Variants in FAM20C observed in about 807,000 individuals in gnomAD.
FAM20C encodes the protein extracellular serine/threonine protein kinase FAM20C.
In FAM20C, 40 loss-of-function variants were observed where a neutral mutation model predicts 51.5. The observed-to-expected ratio is 0.78, with a 90% confidence interval of 0.60 to 1.01. The LOEUF (loss-of-function observed/expected upper bound fraction) is 1.01. Ranked by LOEUF, FAM20C falls within the 50% of genes least tolerant of loss-of-function variation. The probability of loss-of-function intolerance (pLI) is 0.00; values close to 1 mark genes in which losing one functional copy is unlikely to be tolerated. For missense variants in FAM20C, 861 were observed against 844.7 expected, an observed-to-expected ratio of 1.02 and a Z score of -0.24; for synonymous variants, 406 against 380.6, an observed-to-expected ratio of 1.07 and a Z score of -0.78.
At chr7:240,676 C>T (rs972547109) in intron 3 of FAM20C, among the ~76,000 whole-genome samples, 14 of 152,280 alleles carry the variant, frequency 9.2e-5, no homozygotes, top group Non-Finnish European at 1.0e-4. Flanking sequence ...AACACCTGTT[C>T]GGAAGCAAGC....
At chr7:255,388 G>A (rs1216178672) in intron 5 of FAM20C, among the ~76,000 whole-genome samples, 1 of 152,164 alleles carries the variant, frequency 6.6e-6, no homozygotes, top group Non-Finnish European at 1.5e-5. Context: ...TGGAGAATCA[G>A]CTGTTCAAGC....
chr7:225,916 C>CG (rs1466810823), intron 3 of FAM20C, among the ~76,000 whole-genome samples: 2 of 59,878 alleles, frequency 3.3e-5, no homozygotes, highest in African/African-American at 1.3e-4. Context: ...GGCACCGTCA[C>CG]GGGGTCGCAC....
chr7:196,107 G>A (rs1785856228), intron 2 of FAM20C, among the ~76,000 whole-genome samples: 1 of 152,194 alleles, frequency 6.6e-6, no homozygotes, highest in Admixed American at 6.5e-5. Flanking sequence ...CGTGTGCATG[G>A]AACTCTCCTG....
chr7:236,213 AGGTGAGAGGCCGAGCGGCTCCTGGCCG>A (rs1787844241), intron 3 of FAM20C, among the ~76,000 whole-genome samples: 296 of 98,894 alleles, frequency 3.0e-3, no homozygotes, highest in Non-Finnish European at 4.2e-3. Flanking sequence ...CTCCTGGCCG[AGGTGAGAGGCCGAGCGGCTCCTGGCCG>A]AGGTGAGAGT....
intron 2 of FAM20C, among the ~76,000 whole-genome samples, chr7:201,092 C>G (rs778679291): frequency 1.2e-4 from 19 of 152,190 alleles, no homozygotes; most frequent in Non-Finnish European, 2.4e-4. Flanking sequence ...TGAGCTCTCC[C>G]GGTGTCACAT....
At chr7:253,719 C>T (rs139208611) in intron 5 of FAM20C, among the ~76,000 whole-genome samples, 2,169 of 137,826 alleles carry the variant, frequency 0.016, 60 homozygotes, top group East Asian at 0.12. Flanking sequence ...CAGCTCCAAG[C>T]CCTCCTAACC....
chr7:211,470 A>C (rs1583294360), intron 3 of FAM20C, among the ~76,000 whole-genome samples: 2 of 140,050 alleles, frequency 1.4e-5, no homozygotes, highest in African/African-American at 2.7e-5. Flanking sequence ...TGGGCACCCC[A>C]CGTCCCCAGC....
At chr7:240,350 A>AGTGATGATGATGGTGATGATGATGATGAT (rs1787900985) in intron 3 of FAM20C, among the ~76,000 whole-genome samples, 5 of 1,340 alleles carry the variant, frequency 3.7e-3, no homozygotes, top group Middle Eastern at 0.17. Context: ...TGATGTTGAT[A>AGTGATGATGATGGTGATGATGATGATGAT]AAGGATGATA....
intron 3 of FAM20C, among the ~76,000 whole-genome samples, chr7:219,030 C>T (rs1370681681): frequency 2.0e-5 from 3 of 152,168 alleles, no homozygotes; most frequent in Non-Finnish European, 4.4e-5. Context: ...TCAGACAGGA[C>T]ATAAAGTGAG....
At chr7:241,609 T>A (rs1202995348) in intron 3 of FAM20C, among the ~76,000 whole-genome samples, 3 of 151,866 alleles carry the variant, frequency 2.0e-5, no homozygotes, top group Non-Finnish European at 4.4e-5. Context: ...TATATGTCCA[T>A]GCACACGTGT....
chr7:256,889 A>G, intron 7 of FAM20C, 116 bp from the exon 8 acceptor site: 1 of 1,413,866 alleles, frequency 7.1e-7, no homozygotes, highest in South Asian at 1.2e-5. Context: ...TGAAGGGGCC[A>G]GATTGCTTAG....
chr7:259,642 T>C lies in FAM20C; in HGVS notation c.1506-89T>C. 4.7e-6 allele frequency: 6 copies of C among 1,283,378 alleles called. No homozygotes were observed. In the South Asian group the frequency reaches 7.9e-5, roughly 17 times the overall value. 79.5% of individuals were successfully genotyped at this position (1,283,378 alleles called of 1,614,324 possible). A position where few individuals can be genotyped will look rare whatever the true frequency, so the allele number is the denominator to read the frequency against. On this transcript the variant is annotated intron_variant, in intron 9 of 9. Coordinates refer to ENST00000313766, the MANE Select transcript of FAM20C (RefSeq NM_020223.4). ...TCTCTCTCTGTCTCTCCCCCCACTCTCTCGATCTCCCTCTCACTTTCTCTC... is the reference window on the plus strand; with the variant it reads ...TCTCTCTCTGTCTCTCCCCCCACTCCCTCGATCTCCCTCTCACTTTCTCTC...
At chr7:251,548 A>C (rs2115160531) in intron 5 of FAM20C, among the ~76,000 whole-genome samples, 1 of 151,842 alleles carries the variant, frequency 6.6e-6, no homozygotes, top group African/African-American at 2.4e-5. Flanking sequence ...GTTGATTATT[A>C]GTCCAAGCAG....
At chr7:240,892 G>A (rs1434984669) in intron 3 of FAM20C, among the ~76,000 whole-genome samples, 1 of 152,208 alleles carries the variant, frequency 6.6e-6, no homozygotes, top group East Asian at 1.9e-4. Flanking sequence ...TGTGAAGGCA[G>A]CGGGCGGAGG....
At chr7:210,316 G>A (rs1285344027) in intron 3 of FAM20C, among the ~76,000 whole-genome samples, 1 of 152,184 alleles carries the variant, frequency 6.6e-6, no homozygotes, top group Non-Finnish European at 1.5e-5. Flanking sequence ...CTCTGCCCCG[G>A]TTGAGGAGGC....
chr7:240,963 G>A lies in FAM20C; in HGVS notation c.864-5452G>A, dbSNP rs1787930249. On this transcript the variant is annotated intron_variant, in intron 3 of 9. Coordinates refer to ENST00000313766, the MANE Select transcript of FAM20C (RefSeq NM_020223.4). ...TCCCTGAGCAGGGGGTGGGGCTGAGGTAGAGGAGGGGCAGGTGCTGGAGAG... is the reference window on the plus strand; with the variant it reads ...TCCCTGAGCAGGGGGTGGGGCTGAGATAGAGGAGGGGCAGGTGCTGGAGAG... Among the ~76,000 whole-genome samples, 10 of 152,330 alleles carry A rather than the reference G, an allele frequency of 6.6e-5. No individual in the cohort carries two copies. In the South Asian group the frequency reaches 1.9e-3, roughly 28 times the overall value.
chr7:231,234 G>T (rs1164911564), intron 3 of FAM20C, among the ~76,000 whole-genome samples: 4 of 152,284 alleles, frequency 2.6e-5, no homozygotes, highest in East Asian at 1.9e-4. Flanking sequence ...GGGCAGCGAG[G>T]ACCCCTGGAG....
chr7:248,586 ACGGGGGGCCG>A, intron 5 of FAM20C, among the ~76,000 whole-genome samples, 156 bp downstream of exon 5: 1 of 141,494 alleles, frequency 7.1e-6, no homozygotes, highest in African/African-American at 2.7e-5. Context: ...GTAGCCTGGC[ACGGGGGGCCG>A]CATTCATCTC....
intron 3 of FAM20C, among the ~76,000 whole-genome samples, chr7:219,135 G>A (rs964247712): frequency 4.6e-5 from 7 of 152,122 alleles, no homozygotes; most frequent in African/African-American, 7.2e-5. Flanking sequence ...TGCCTTCTGC[G>A]GTTCTTGTCC....
Sources: gnomAD v4.1 joint callset for allele counts (sites outside exome capture counted in the v4.1 genomes callset) on GRCh38, gnomAD v4.1.1 for gene constraint, MANE v1.5 for transcripts, NCBI Gene and HGNC (gene_info 2026-07-23, HGNC 2026-07-21) for gene names.